VPS8: variants seen among roughly 807,000 people sequenced by gnomAD.
The protein encoded by VPS8 is VPS8 subunit of CORVET complex, also known as vacuolar protein sorting-associated protein 8 homolog.
VPS8 carries 129 observed loss-of-function variants against 216.4 expected under a neutral mutation model. That is an observed-to-expected ratio of 0.60 (90% CI 0.52 to 0.69). VPS8 has a LOEUF of 0.69. Ranked by LOEUF, VPS8 falls within the 30% of genes least tolerant of loss-of-function variation. The pLI, the probability that VPS8 is intolerant of heterozygous loss-of-function variation, is 0.00. For missense variants in VPS8, 1,531 were observed against 1,683.5 expected, an observed-to-expected ratio of 0.91 and a Z score of 1.59; for synonymous variants, 571 against 565.4, an observed-to-expected ratio of 1.01 and a Z score of -0.14.
chr3:185,004,003 C>T (rs1228124615), intron 45 of VPS8, among the ~76,000 whole-genome samples: 13 of 151,868 alleles, frequency 8.6e-5, no homozygotes, highest in African/African-American at 2.9e-4. Context: ...GATGGGATGG[C>T]GGCCGGGCAG....
intron 28 of VPS8, among the ~76,000 whole-genome samples, chr3:184,917,344 G>A (rs1351990332): frequency 6.6e-6 from 1 of 152,186 alleles, no homozygotes. Context: ...AACAAATCCA[G>A]AGAGGTAGGC....
rs1467052306 is a variant in VPS8, at chr3:184,812,190, G to T, written c.-124G>T. The T allele has an allele frequency of 6.6e-6, 1 of 152,456 alleles. No homozygotes were observed. Among genetic ancestry groups the T allele is most frequent in the African/African-American group, 2.4e-5 (1 of 41,472 alleles). 9.4% of individuals were successfully genotyped at this position (152,456 alleles called of 1,614,324 possible). ...TAGAGCAGTGGGTGCGGTCACGTGG[G>T]CCGGCGGTCCACGGCCGGAATGGCA... On this transcript the variant is annotated 5_prime_UTR_variant, in exon 1 of 48. Coordinates refer to ENST00000625842, the MANE Select transcript of VPS8 (RefSeq NM_001009921.3).
At chr3:184,969,208 C>T (rs536283024) in intron 39 of VPS8, among the ~76,000 whole-genome samples, 5 of 151,940 alleles carry the variant, frequency 3.3e-5, no homozygotes, top group Non-Finnish European at 7.4e-5. Flanking sequence ...ACCTCTGCCT[C>T]CCAGGTGCAA....
At chr3:184,849,810 A>G (rs1021482376) in intron 9 of VPS8, 126 bp from the exon 10 acceptor site, 1 of 723,368 alleles carries the variant, frequency 1.4e-6, no homozygotes, top group African/African-American at 1.8e-5. Flanking sequence ...GGTATGTTTT[A>G]ACTTTATAGT....
chr3:184,975,561 C>G (rs1749119366), intron 40 of VPS8, among the ~76,000 whole-genome samples: 1 of 151,940 alleles, frequency 6.6e-6, no homozygotes, highest in Non-Finnish European at 1.5e-5. Context: ...TGCCTTATTG[C>G]TCTAGCTAGG....
chr3:184,905,961 A>G (rs1336693583), intron 25 of VPS8, among the ~76,000 whole-genome samples: 2 of 152,162 alleles, frequency 1.3e-5, no homozygotes, highest in African/African-American at 4.8e-5. Flanking sequence ...TCTATAGAGC[A>G]GTTTAGCACA....
At chr3:184,839,861 C>A in intron 7 of VPS8, 109 bp downstream of exon 7, 1 of 1,445,302 alleles carries the variant, frequency 6.9e-7, no homozygotes, top group Non-Finnish European at 9.1e-7. Context: ...TGAACAAAAC[C>A]AGAAAAACTT....
intron 28 of VPS8, 40 bp downstream of exon 28, chr3:184,915,514 CAG>C: frequency 1.3e-6 from 2 of 1,596,244 alleles, no homozygotes; most frequent in Non-Finnish European, 1.7e-6. Context: ...TCAAAGAAGA[CAG>C]AGCAATAATT....
At chr3:184,860,429 A>G (rs1560422961) in intron 15 of VPS8, among the ~76,000 whole-genome samples, 1 of 148,728 alleles carries the variant, frequency 6.7e-6, no homozygotes, top group Non-Finnish European at 1.5e-5. Context: ...ATATGTATAT[A>G]TGTGTGTATA....
intron 36 of VPS8, among the ~76,000 whole-genome samples, chr3:184,947,412 C>T (rs1743893228): frequency 6.6e-6 from 1 of 152,060 alleles, no homozygotes; most frequent in Admixed American, 6.5e-5. Context: ...GGGAGAAAAT[C>T]ATAGATTAAA....
chr3:184,927,892 C>G (rs1010743041), intron 31 of VPS8, among the ~76,000 whole-genome samples: 1 of 152,228 alleles, frequency 6.6e-6, no homozygotes, highest in Non-Finnish European at 1.5e-5. Flanking sequence ...CCGCAGCATG[C>G]ATGTATCAGG....
chr3:184,872,540 G>A (rs1728533279), intron 21 of VPS8, among the ~76,000 whole-genome samples: 1 of 151,946 alleles, frequency 6.6e-6, no homozygotes, highest in Non-Finnish European at 1.5e-5. Context: ...CTAGCTTCCT[G>A]TTAGAAGTCT....
chr3:184,821,699 C>CTG (rs1717628072), intron 1 of VPS8, among the ~76,000 whole-genome samples: 1 of 151,962 alleles, frequency 6.6e-6, no homozygotes, highest in African/African-American at 2.4e-5. Flanking sequence ...AGAATCTGTA[C>CTG]CTAGAACCTA....
intron 26 of VPS8, among the ~76,000 whole-genome samples, chr3:184,914,132 C>G (rs900494569): frequency 1.1e-4 from 16 of 152,286 alleles, no homozygotes; most frequent in African/African-American, 3.8e-4. Flanking sequence ...GACTATTTGT[C>G]AGGAAGGTGG....
At chr3:184,962,529 C>A (rs894176331) in intron 37 of VPS8, among the ~76,000 whole-genome samples, 1 of 152,068 alleles carries the variant, frequency 6.6e-6, no homozygotes, top group Non-Finnish European at 1.5e-5. Context: ...ATTATTTATT[C>A]ATGTCATTTG....
intron 4 of VPS8, among the ~76,000 whole-genome samples, chr3:184,834,405 T>A (rs986425811): frequency 6.6e-6 from 1 of 152,178 alleles, no homozygotes; most frequent in Non-Finnish European, 1.5e-5. Flanking sequence ...TGCTAAATGA[T>A]GAGTTAATGG....
At chr3:184,933,005 CA>C (rs1309337173) in intron 34 of VPS8, among the ~76,000 whole-genome samples, 23 of 152,348 alleles carry the variant, frequency 1.5e-4, no homozygotes, top group African/African-American at 4.3e-4. Context: ...ATCACAGCAT[CA>C]GCTGAGAATT....
intron 45 of VPS8, among the ~76,000 whole-genome samples, chr3:185,012,888 A>T (rs1197633248): frequency 2.6e-5 from 4 of 151,778 alleles, no homozygotes; most frequent in African/African-American, 9.7e-5. Context: ...CCTCAAACAG[A>T]GATTTACCCA....
chr3:184,962,723 A>AAGTGTGTG (rs1229638238), intron 37 of VPS8, among the ~76,000 whole-genome samples: 2 of 62,746 alleles, frequency 3.2e-5, no homozygotes, highest in African/African-American at 1.3e-4. Flanking sequence ...TTTAAGGCTT[A>AAGTGTGTG]AGTGTGTGTG....
Sources: gnomAD v4.1 joint callset for allele counts (sites outside exome capture counted in the v4.1 genomes callset) on GRCh38, gnomAD v4.1.1 for gene constraint, MANE v1.5 for transcripts, NCBI Gene and HGNC (gene_info 2026-07-23, HGNC 2026-07-21) for gene names.